CREBRF: variants seen among roughly 807,000 people sequenced by gnomAD.
CREBRF encodes UPF0474 protein C5orf41.
CREBRF carries 5 observed loss-of-function variants against 66.1 expected under a neutral mutation model. The ratio of observed to expected loss-of-function variants is 0.08; its 90% CI spans 0.04 to 0.16. The LOEUF is 0.16. CREBRF is among the 10% of genes least tolerant of loss of function. The pLI is 1.00. For missense variants in CREBRF, 531 were observed against 744.9 expected, an observed-to-expected ratio of 0.71 and a Z score of 3.34; for synonymous variants, 229 against 264.4, an observed-to-expected ratio of 0.87 and a Z score of 1.30.
At chr5:173,121,401 C>T (rs1759136494) in intron 7 of CREBRF, among the ~76,000 whole-genome samples, 1 of 151,564 alleles carries the variant, frequency 6.6e-6, no homozygotes, top group South Asian at 2.1e-4. Flanking sequence ...CGGCTCACTG[C>T]AAGCTCCGCC....
chr5:173,062,368 T>C (rs1228784341), intron 1 of CREBRF, among the ~76,000 whole-genome samples: 5 of 152,214 alleles, frequency 3.3e-5, no homozygotes, highest in Admixed American at 3.3e-4. Flanking sequence ...GAGAACTGCT[T>C]ATCTGGAAAG....
At chr5:173,118,125 C>T (rs552249539) in intron 7 of CREBRF, among the ~76,000 whole-genome samples, 15 of 152,280 alleles carry the variant, frequency 9.9e-5, no homozygotes, top group South Asian at 2.1e-4. Flanking sequence ...CCGCCTGCCT[C>T]GGCCTCCCAA....
At chr5:173,083,796 G>A (rs1581673310) in intron 2 of CREBRF, among the ~76,000 whole-genome samples, 1 of 152,286 alleles carries the variant, frequency 6.6e-6, no homozygotes, top group South Asian at 2.1e-4. Flanking sequence ...ATGGTGACTG[G>A]TGGCTAAATA....
chr5:173,103,358 A>C (rs1272104371), intron 4 of CREBRF, among the ~76,000 whole-genome samples: 1 of 152,182 alleles, frequency 6.6e-6, no homozygotes, highest in African/African-American at 2.4e-5. Context: ...TATTATTTGG[A>C]CTTTATTCAC....
chr5:173,117,604 T>TCCTTCCTTCCTC (rs1182287333), intron 7 of CREBRF, among the ~76,000 whole-genome samples: 1 of 45,854 alleles, frequency 2.2e-5, no homozygotes, highest in Non-Finnish European at 4.9e-5. Context: ...CTTCCTTCCA[T>TCCTTCCTTCCTC]CCCTCCCTCC....
At position 173,110,493 on chromosome 5, in the gene CREBRF, G is replaced by T; in HGVS notation, c.1418-29G>T. 3 of 1,540,010 alleles carry T rather than the reference G, an allele frequency of 1.9e-6. No individual in the cohort carries two copies. The South Asian group carries it at 3.4e-5, about 17-fold the overall frequency. On this transcript the variant is annotated intron_variant, in intron 5 of 8. Transcript: ENST00000296953. The stretch of plus-strand genomic sequence containing the variant: ...TGTCTCTTGTTAATTAAAGTGATCT[G>T]ACTTAAACTTCTTTTAAACTGTTTA...
intron 4 of CREBRF, among the ~76,000 whole-genome samples, chr5:173,099,390 A>C (rs1229564883): frequency 2.0e-5 from 3 of 152,162 alleles, no homozygotes; most frequent in African/African-American, 7.2e-5. Flanking sequence ...TTCTGGGCTC[A>C]AGTGACCTGC....
In CREBRF at chr5:173,135,909, G is replaced by A. The variant is rs1349500040; in HGVS notation, c.*2164G>A. ...AAATGTACCTGGTTTGTACATTCACGCTAAACAGATGATAAGCTCAAGTCT... is the reference window on the plus strand; with the variant it reads ...AAATGTACCTGGTTTGTACATTCACACTAAACAGATGATAAGCTCAAGTCT... On this transcript the variant is annotated 3_prime_UTR_variant, in exon 9 of 9. Transcript: ENST00000296953. 6.6e-6 allele frequency: 1 copy of A among 152,464 alleles called. No homozygotes were observed. The highest frequency in any genetic ancestry group is 1.5e-5 in the Non-Finnish European group (1 of 67,960). 9.4% of individuals were successfully genotyped at this position (152,464 alleles called of 1,614,324 possible).
At chr5:173,123,311 C>T in intron 8 of CREBRF, 109 bp downstream of exon 8, 1 of 1,010,600 alleles carries the variant, frequency 9.9e-7, no homozygotes, top group South Asian at 1.7e-5. Flanking sequence ...CAAGTGCTCT[C>T]ATTGTAATTA....
intron 4 of CREBRF, among the ~76,000 whole-genome samples, chr5:173,093,982 C>A (rs1398840582): frequency 6.6e-6 from 1 of 152,160 alleles, no homozygotes; most frequent in Non-Finnish European, 1.5e-5. Context: ...CTGAGTTTGA[C>A]TTTTTTTCTA....
chr5:173,125,734 C>T (rs1032375498), intron 8 of CREBRF, among the ~76,000 whole-genome samples: 17 of 152,202 alleles, frequency 1.1e-4, no homozygotes, highest in East Asian at 3.9e-4. Flanking sequence ...TGTGGTGGCA[C>T]GCGCCGGTAG....
chr5:173,071,912 A>G (rs978159081), intron 1 of CREBRF, among the ~76,000 whole-genome samples: 21 of 151,702 alleles, frequency 1.4e-4, no homozygotes, highest in Middle Eastern at 3.4e-3. Flanking sequence ...ATAATTAGCC[A>G]GGCATGGTGG....
chr5:173,100,116 G>GTATA (rs1301144325), intron 4 of CREBRF, among the ~76,000 whole-genome samples: 2 of 111,494 alleles, frequency 1.8e-5, no homozygotes, highest in Non-Finnish European at 3.5e-5. Flanking sequence ...GTGTGTGTGT[G>GTATA]TGTATATATA....
In CREBRF at chr5:173,090,397, C is replaced by T; in HGVS notation, c.218C>T (p.Ser73Phe). 6.2e-7 allele frequency: 1 copy of T among 1,613,828 alleles called. No homozygotes were observed. Among genetic ancestry groups the T allele is most frequent in the Non-Finnish European group, 8.5e-7 (1 of 1,179,758 alleles). ...EDCKDIENLE[S>F]FTDVLDNEGA... is the part of the protein sequence containing the mutation. ...TGCAAAGACATTGAAAATCTGGAGT[C>T]TTTCACAGATGTCCTGGATAATGAG... Residue 73 changes from serine (S) to phenylalanine (F), a missense_variant, in exon 4 of 9, where the codon TCT becomes TTT. This residue lies in a region of CREBRF where 133 missense variants were observed against 215.6 expected (regional missense o/e 0.62). Transcript: ENST00000296953. The surrounding 1 kb of genome is among the most constrained non-coding windows in gnomAD (Gnocchi z 4.5).
chr5:173,126,967 G>A (rs1472203024), intron 8 of CREBRF, among the ~76,000 whole-genome samples: 1 of 152,054 alleles, frequency 6.6e-6, no homozygotes, highest in Non-Finnish European at 1.5e-5. Flanking sequence ...TGGGAGGATC[G>A]ATTGAGGTCA....
At chr5:173,100,837 G>A (rs915392232) in intron 4 of CREBRF, among the ~76,000 whole-genome samples, 3 of 152,114 alleles carry the variant, frequency 2.0e-5, no homozygotes, top group African/African-American at 7.2e-5. Flanking sequence ...CTCAGCTTTT[G>A]TTTTCTGGGA....
At chr5:173,122,153 G>A (rs1759151796) in intron 7 of CREBRF, among the ~76,000 whole-genome samples, 1 of 152,110 alleles carries the variant, frequency 6.6e-6, no homozygotes, top group African/African-American at 2.4e-5. Context: ...CCAGGCTGGA[G>A]TGCAGTGGCA....
rs537767168 is a variant in CREBRF at position 173,121,922 on chromosome 5, A to G, written c.1682-1158A>G. 2.0e-5 allele frequency among the ~76,000 whole-genome samples: 3 copies of G among 152,002 alleles called. No homozygotes were observed. In the South Asian group the frequency reaches 6.3e-4, roughly 32 times the overall value. Reference sequence around the variant, plus strand: ...CTAGGCTGGAGCACAGCGGCTATTCACAGTCACCATCCTAGTGCAACTGCC... The same window carrying G: ...CTAGGCTGGAGCACAGCGGCTATTCGCAGTCACCATCCTAGTGCAACTGCC... On this transcript the variant is annotated intron_variant, in intron 7 of 8. Coordinates refer to ENST00000296953, the MANE Select transcript of CREBRF (RefSeq NM_153607.3).
intron 2 of CREBRF, chr5:173,085,604 A>G: frequency 1.8e-6 from 1 of 568,990 alleles, no homozygotes; most frequent in Non-Finnish European, 3.1e-6. Context: ...TTTAGTAGAG[A>G]CAGGGCTTCA....
Sources: allele counts gnomAD v4.1 joint callset (sites outside exome capture counted in the v4.1 genomes callset), GRCh38; gene constraint gnomAD v4.1.1; regional missense constraint gnomAD v4.1.1; non-coding constraint Gnocchi (gnomAD v3.1); transcripts MANE v1.5; gene names NCBI Gene and HGNC (gene_info 2026-07-23, HGNC 2026-07-21).